Variants in INSC observed in about 807,000 individuals in gnomAD.
INSC encodes INSC spindle orientation adaptor protein, also known as protein inscuteable homolog.
INSC carries 67 observed loss-of-function variants against 58.6 expected under a neutral mutation model. The ratio of observed to expected loss-of-function variants is 1.14; its 90% confidence interval spans 0.94 to 1.40. The LOEUF is 1.40. Among genes scored for constraint, INSC ranks in the 40% most tolerant of loss-of-function variants. The pLI, the probability that INSC is intolerant of heterozygous loss-of-function variation, is 0.00. For synonymous variants in INSC, 262 were observed against 276.1 expected, an observed-to-expected ratio of 0.95 and a Z score of 0.51; for missense variants, 714 against 692.0, an observed-to-expected ratio of 1.03 and a Z score of -0.36.
chr11:15,176,163 G>C, intron 3 of INSC, 77 bp downstream of exon 3: 1 of 1,220,216 alleles, frequency 8.2e-7, no homozygotes, highest in South Asian at 1.8e-5. Context: ...TGAATCATGT[G>C]GTGTCTGAAT....
At chr11:15,187,535 T>C (rs1232484411) in intron 5 of INSC, among the ~76,000 whole-genome samples, 1 of 152,182 alleles carries the variant, frequency 6.6e-6, no homozygotes, top group Non-Finnish European at 1.5e-5. Flanking sequence ...CCAGTTTGCT[T>C]TTTGAGAGTT....
At chr11:15,210,517 G>C (rs925879316) in intron 7 of INSC, among the ~76,000 whole-genome samples, 1 of 151,116 alleles carries the variant, frequency 6.6e-6, no homozygotes, top group Middle Eastern at 3.2e-3. Flanking sequence ...GTGTGTGTGT[G>C]TGTGTGTGTG....
intron 11 of INSC, 53 bp downstream of exon 11, chr11:15,239,127 G>T: frequency 3.2e-6 from 5 of 1,563,442 alleles, no homozygotes; most frequent in Non-Finnish European, 4.3e-6. Context: ...ATTGGGGGTG[G>T]GAGCAGCTCT....
chr11:15,144,313 T>G (rs1262315541), intron 1 of INSC, among the ~76,000 whole-genome samples: 1 of 152,208 alleles, frequency 6.6e-6, no homozygotes, highest in East Asian at 1.9e-4. Flanking sequence ...CCCATTTTAC[T>G]GATGGGAAAC....
intron 2 of INSC, among the ~76,000 whole-genome samples, chr11:15,160,377 A>G (rs1820718654): frequency 1.3e-5 from 2 of 152,160 alleles, no homozygotes; most frequent in Non-Finnish European, 2.9e-5. Flanking sequence ...GGCTGGGACA[A>G]TGGTTGGAAA....
At chr11:15,115,841 T>C (rs1052690815) in intron 1 of INSC, among the ~76,000 whole-genome samples, 1 of 152,264 alleles carries the variant, frequency 6.6e-6, no homozygotes, top group African/African-American at 2.4e-5. Context: ...ACGACATGTA[T>C]GCAACATGCA....
intron 9 of INSC, among the ~76,000 whole-genome samples, chr11:15,226,941 G>A (rs745762515): frequency 6.6e-6 from 1 of 152,184 alleles, no homozygotes; most frequent in African/African-American, 2.4e-5. Flanking sequence ...AACTTTGTCA[G>A]TTATTTCTTA....
At chr11:15,254,289 T>A in the INSC span, among the ~76,000 whole-genome samples, 224 of 152,298 alleles carry the variant, frequency 1.5e-3, no homozygotes, top group Middle Eastern at 6.8e-3. Context: ...AGCAGCTAGA[T>A]GTGGTGCTGG....
chr11:15,247,563 AG>A (rs767702455), downstream of INSC, among the ~76,000 whole-genome samples: 3 of 152,040 alleles, frequency 2.0e-5, no homozygotes, highest in Non-Finnish European at 2.9e-5. Flanking sequence ...TATTATTCTC[AG>A]TATAGATATT....
In INSC at chr11:15,173,169, A is replaced by G. The variant is rs148849815; in HGVS notation, c.57-2572A>G. 3.5e-4 allele frequency among the ~76,000 whole-genome samples: 54 copies of G among 152,342 alleles called. 1 individual carries two copies. In the East Asian group the frequency reaches 9.3e-3, roughly 26 times the overall value. On this transcript the variant is annotated intron_variant, in intron 2 of 12. Coordinates refer to ENST00000379556, the MANE Select transcript of INSC (RefSeq NM_001042536.3). ...AGTTGTGGAATATACGCAATATGGA[A>G]TAGTGTTCAAACATTGGAAAGAGTG...
At chr11:15,242,044 G>A (rs1388619155) in intron 12 of INSC, among the ~76,000 whole-genome samples, 1 of 152,210 alleles carries the variant, frequency 6.6e-6, no homozygotes, top group Non-Finnish European at 1.5e-5. Context: ...TTCAGTTACA[G>A]GTTGGTGAAA....
intron 9 of INSC, among the ~76,000 whole-genome samples, chr11:15,228,706 G>A (rs1485558455): frequency 6.6e-6 from 1 of 152,218 alleles, no homozygotes; most frequent in Non-Finnish European, 1.5e-5. Flanking sequence ...CCAATGCTGT[G>A]TGGAGCCTCT....
In INSC at chr11:15,246,145, T is replaced by TACTTA; in HGVS notation, c.*111_*115dup. 8.2e-7 allele frequency: 1 copy of TACTTA among 1,215,174 alleles called. No homozygotes were observed. Among genetic ancestry groups the TACTTA allele is most frequent in the South Asian group, 1.8e-5 (1 of 54,188 alleles). 75.3% of individuals were successfully genotyped at this position (1,215,174 alleles called of 1,614,324 possible). On this transcript the variant is annotated 3_prime_UTR_variant, in exon 13 of 13. Transcript: ENST00000379556. Reference sequence around the variant, plus strand: ...CCAGCTCTCCTCATCTTCTTATTTATACTTAACTTATTTTTGTGTGAAATA... The same window carrying TACTTA: ...CCAGCTCTCCTCATCTTCTTATTTATACTTAACTTAACTTATTTTTGTGTGAAATA...
At chr11:15,163,775 G>A (rs1353108026) in intron 2 of INSC, among the ~76,000 whole-genome samples, 1 of 152,096 alleles carries the variant, frequency 6.6e-6, no homozygotes, top group Non-Finnish European at 1.5e-5. Context: ...CTGTATTTTA[G>A]TAGAGACAAG....
chr11:15,117,690 T>C (rs1847764704), intron 1 of INSC, among the ~76,000 whole-genome samples: 1 of 152,208 alleles, frequency 6.6e-6, no homozygotes, highest in African/African-American at 2.4e-5. Flanking sequence ...AAGCATTCTA[T>C]TGGTCTCTGG....
chr11:15,149,364 G>T, intron 2 of INSC, 134 bp downstream of exon 2: 2 of 867,380 alleles, frequency 2.3e-6, no homozygotes, highest in Non-Finnish European at 3.2e-6. Flanking sequence ...CCGAGCATAA[G>T]GTATTGGGGA....
chr11:15,261,913 A>ATCT, the INSC span, among the ~76,000 whole-genome samples: 3 of 152,162 alleles, frequency 2.0e-5, no homozygotes, highest in Admixed American at 6.6e-5. Context: ...AATGGAGGTG[A>ATCT]GGAAGATCAG....
chr11:15,225,576 T>G (rs539172333), intron 8 of INSC, 74 bp from the exon 9 acceptor site: 1 of 1,431,502 alleles, frequency 7.0e-7, no homozygotes, highest in South Asian at 1.3e-5. Flanking sequence ...CCAGAGGTAT[T>G]GTGTGAACCA....
chr11:15,258,146 T>C, the INSC span, among the ~76,000 whole-genome samples: 1 of 152,192 alleles, frequency 6.6e-6, no homozygotes, highest in Non-Finnish European at 1.5e-5. Flanking sequence ...TCTCTATACT[T>C]TTTAAATATA....
Sources: gnomAD v4.1 joint callset for allele counts (sites outside exome capture counted in the v4.1 genomes callset) on GRCh38, gnomAD v4.1.1 for gene constraint, MANE v1.5 for transcripts, NCBI Gene and HGNC (gene_info 2026-07-23, HGNC 2026-07-21) for gene names.